The following HINT3 variants were observed in gnomAD, a reference collection of about 807,000 sequenced individuals.
HINT3 encodes histidine triad nucleotide binding protein 3, also known as adenosine 5'-monophosphoramidase HINT3.
In HINT3, 16 loss-of-function variants were observed where a neutral mutation model predicts 19.1. That is an observed-to-expected ratio of 0.84 (90% CI 0.57 to 1.27). The LOEUF (loss-of-function observed/expected upper bound fraction) is 1.27, where lower values mean the gene tolerates loss of function less well. Ranked by LOEUF, HINT3 falls within the 50% of genes most tolerant of loss-of-function variation. The pLI is 0.00. For synonymous variants in HINT3, 75 were observed against 84.8 expected, an observed-to-expected ratio of 0.88 and a Z score of 0.63; for missense variants, 197 against 225.8, an observed-to-expected ratio of 0.87 and a Z score of 0.82.
At chr6:125,962,791 C>T (rs759377807) in intron 1 of HINT3, among the ~76,000 whole-genome samples, 4 of 151,948 alleles carry the variant, frequency 2.6e-5, no homozygotes, top group Non-Finnish European at 1.5e-5. Flanking sequence ...GGGCAGATGA[C>T]ACTCCCAAAG....
chr6:125,970,583 AG>A (rs1789083789), intron 2 of HINT3, among the ~76,000 whole-genome samples: 1 of 152,140 alleles, frequency 6.6e-6, no homozygotes, highest in South Asian at 2.1e-4. Context: ...CCATACTAAA[AG>A]TTGTTGCAAA....
chr6:125,966,051 A>C (rs1274677350), intron 1 of HINT3, among the ~76,000 whole-genome samples: 2 of 152,234 alleles, frequency 1.3e-5, no homozygotes, highest in East Asian at 3.8e-4. Flanking sequence ...AACTCTGCTT[A>C]CACTGATTTT....
intron 1 of HINT3, among the ~76,000 whole-genome samples, chr6:125,962,207 T>C (rs867641233): frequency 5.2e-4 from 13 of 25,000 alleles, no homozygotes; most frequent in East Asian, 2.4e-3. Context: ...TATATATATA[T>C]ATACACATAT....
At chr6:125,960,178 T>C (rs1562211317) in intron 1 of HINT3, among the ~76,000 whole-genome samples, 1 of 152,214 alleles carries the variant, frequency 6.6e-6, no homozygotes, top group Non-Finnish European at 1.5e-5. Flanking sequence ...CAAGGATTGT[T>C]GTACAGCGGG....
Position 125,957,178 on chromosome 6 carries a change from GGTGGGCGGCGAC to G in HINT3, c.201+2_201+13del, listed in dbSNP as rs1377121402. 1.3e-6 allele frequency: 2 copies of G among 1,543,146 alleles called. No homozygotes were observed. The highest frequency in any genetic ancestry group is 2.7e-5 in the African/African-American group (2 of 73,002). Reference sequence around the variant, plus strand: ...CGGGCACCGAACTCCTGCACTGCGAGGTGGGCGGCGACGCGCGGCCGGGGGTGGGTGAGGACC... The same window carrying G: ...CGGGCACCGAACTCCTGCACTGCGAGGCGCGGCCGGGGGTGGGTGAGGACC... On this transcript the variant is annotated splice_donor_variant and splice_donor_5th_base_variant and intron_variant, in intron 1 of 4. Transcript: ENST00000229633. LOFTEE classifies it high-confidence loss of function.
intron 3 of HINT3, among the ~76,000 whole-genome samples, chr6:125,973,326 G>A (rs553828397): frequency 7.2e-5 from 11 of 151,974 alleles, no homozygotes; most frequent in South Asian, 2.1e-4. Flanking sequence ...TGATCCGCCC[G>A]CCTTGGCCTC....
chr6:125,967,041 T>G (rs1789028804), intron 2 of HINT3, 37 bp downstream of exon 2: 1 of 1,281,540 alleles, frequency 7.8e-7, no homozygotes. Context: ...TTTATATCAT[T>G]TTCAGTTGGT....
chr6:125,976,251 A>C (rs935085131), intron 4 of HINT3, among the ~76,000 whole-genome samples: 1 of 152,088 alleles, frequency 6.6e-6, no homozygotes, highest in Non-Finnish European at 1.5e-5. Flanking sequence ...AATAATATAA[A>C]AATACAAAAA....
intron 4 of HINT3, among the ~76,000 whole-genome samples, 191 bp from the exon 5 acceptor site, chr6:125,977,451 ATC>A (rs1288485096): frequency 6.6e-6 from 1 of 152,158 alleles, no homozygotes; most frequent in African/African-American, 2.4e-5. Flanking sequence ...GTAGGCAACA[ATC>A]TGCCTATTTA....
At chr6:125,959,078 A>G (rs146465340) in intron 1 of HINT3, among the ~76,000 whole-genome samples, 84 of 152,284 alleles carry the variant, frequency 5.5e-4, no homozygotes, top group African/African-American at 1.8e-3. Context: ...GAGTTGAGCT[A>G]TGGAGTTGTG....
chr6:125,966,697 G>A (rs1789022162), intron 1 of HINT3, among the ~76,000 whole-genome samples, 190 bp from the exon 2 acceptor site: 1 of 151,972 alleles, frequency 6.6e-6, no homozygotes, highest in Admixed American at 6.6e-5. Flanking sequence ...TTTATTCTCT[G>A]GAATCAATAA....
At chr6:125,973,110 C>T (rs1256627210) in intron 3 of HINT3, among the ~76,000 whole-genome samples, 1 of 103,972 alleles carries the variant, frequency 9.6e-6, no homozygotes, top group Non-Finnish European at 1.7e-5. Context: ...GAGTCTTGCA[C>T]TGTCCCCCAG....
chr6:125,960,871 A>T (rs1009038082), intron 1 of HINT3, among the ~76,000 whole-genome samples: 11 of 152,230 alleles, frequency 7.2e-5, no homozygotes, highest in African/African-American at 2.2e-4. Context: ...TTTACTAAAT[A>T]TAAAAGTAGG....
intron 3 of HINT3, 25 bp downstream of exon 3, chr6:125,972,353 C>G (rs755452295): frequency 7.5e-7 from 1 of 1,330,756 alleles, no homozygotes; most frequent in Non-Finnish European, 1.0e-6. Context: ...AGATGGAAAC[C>G]AATATTATAC....
chr6:125,962,374 C>T (rs566117431), intron 1 of HINT3, among the ~76,000 whole-genome samples: 73 of 145,522 alleles, frequency 5.0e-4, no homozygotes, highest in African/African-American at 1.7e-3. Context: ...GATACAGATG[C>T]GTGTATAATA....
intron 3 of HINT3, 79 bp from the exon 4 acceptor site, chr6:125,974,768 A>C: frequency 7.0e-7 from 1 of 1,424,316 alleles, no homozygotes; most frequent in Non-Finnish European, 9.7e-7. Flanking sequence ...GGATCTCATT[A>C]AAATTTATGT....
intron 1 of HINT3, among the ~76,000 whole-genome samples, chr6:125,962,179 TATATATAC>T (rs1788937173): frequency 4.0e-5 from 2 of 49,690 alleles, no homozygotes; most frequent in African/African-American, 3.0e-4. Context: ...TATATATATA[TATATATAC>T]ACATATATAT....
At chr6:125,969,119 A>G (rs62426379) in intron 2 of HINT3, among the ~76,000 whole-genome samples, 58,251 of 152,052 alleles carry the variant, frequency 0.38, 14,733 homozygotes, top group East Asian at 0.95. Context: ...GGTTTCCTCT[A>G]GGATTCTTAT....
intron 1 of HINT3, among the ~76,000 whole-genome samples, chr6:125,966,151 T>A (rs1375484484): frequency 2.6e-5 from 4 of 152,212 alleles, no homozygotes; most frequent in African/African-American, 9.6e-5. Context: ...ATATGGTTAT[T>A]TAGTGAATAT....
Sources: gnomAD v4.1 joint callset for allele counts (sites outside exome capture counted in the v4.1 genomes callset) on GRCh38, gnomAD v4.1.1 for gene constraint, MANE v1.5 for transcripts, NCBI Gene and HGNC (gene_info 2026-07-23, HGNC 2026-07-21) for gene names.